Variants in DAZAP1 observed in about 807,000 individuals in gnomAD.
DAZAP1 encodes the protein DAZ-associated protein 1.
DAZAP1 carries 6 observed loss-of-function variants against 60.1 expected under a neutral mutation model. The ratio of observed to expected loss-of-function variants is 0.10; its 90% CI spans 0.05 to 0.20. The LOEUF (loss-of-function observed/expected upper bound fraction) is 0.20, where lower values mean the gene tolerates loss of function less well. DAZAP1 is among the 10% of genes least tolerant of loss of function. The pLI, the probability that DAZAP1 is intolerant of heterozygous loss-of-function variation, is 1.00. For missense variants in DAZAP1, 366 were observed against 560.4 expected (o/e 0.65, Z 3.50); for synonymous variants, 235 against 215.9 (o/e 1.09, Z -0.78).
rs376362969 is a variant in DAZAP1 at position 1,429,913 on chromosome 19, C to T, written c.701-54C>T. On this transcript the variant is annotated intron_variant, in intron 8 of 11. Transcript: ENST00000233078. Reference sequence around the variant, plus strand: ...TCCATGCTCTGCGGCTCCTTCTCTGCGTCGGACAGCTGGTGGACACGGCGC... The same window carrying T: ...TCCATGCTCTGCGGCTCCTTCTCTGTGTCGGACAGCTGGTGGACACGGCGC... 1.2e-4 allele frequency: 180 copies of T among 1,551,190 alleles called. 1 individual carries two copies. The African/African-American group carries it at 2.3e-3, about 20-fold the overall frequency.
At chr19:1,429,094 T>A in intron 8 of DAZAP1, 99 bp downstream of exon 8, 1 of 1,386,660 alleles carries the variant, frequency 7.2e-7, no homozygotes, top group Non-Finnish European at 9.5e-7. Context: ...CCACCTCTGC[T>A]GTGCATGCAC....
intron 1 of DAZAP1, among the ~76,000 whole-genome samples, chr19:1,410,388 G>A (rs191171450): frequency 3.3e-5 from 5 of 152,288 alleles, no homozygotes; most frequent in Admixed American, 3.3e-4. Context: ...CTTTGGGAGC[G>A]GGGCCTGTCC....
In DAZAP1 at chr19:1,426,097, GC is replaced by G. The variant is rs2144862588; in HGVS notation, c.546+139del. On this transcript the variant is annotated intron_variant, in intron 7 of 11. Transcript: ENST00000233078. The surrounding 1 kb of genome is among the most constrained non-coding windows in gnomAD (Gnocchi z 5.4). The stretch of plus-strand genomic sequence containing the variant: ...TGTGAACCTTTGCTGCGTGAGGTGG[GC>G]CTGGGTCTGTAGACGTGAGGAGGGT... 8.5e-6 allele frequency: 6 copies of G among 704,792 alleles called. No individual in the cohort carries two copies. Among genetic ancestry groups the G allele is most frequent in the South Asian group, 7.8e-5 (5 of 64,314 alleles). The allele number at this position is 704,792 out of a possible 1,614,324, so 43.7% of individuals were successfully genotyped here.
intron 1 of DAZAP1, among the ~76,000 whole-genome samples, chr19:1,411,270 C>T (rs754966333): frequency 6.6e-6 from 1 of 152,218 alleles, no homozygotes; most frequent in Admixed American, 6.5e-5. Flanking sequence ...CTGGATCACT[C>T]TGGGGCACCG....
At chr19:1,414,785 ATTT>A (rs906748543) in intron 1 of DAZAP1, among the ~76,000 whole-genome samples, 1 of 151,768 alleles carries the variant, frequency 6.6e-6, no homozygotes, top group Admixed American at 6.6e-5. Context: ...GTATTTGAGT[ATTT>A]TTTATTTTTT....
At chr19:1,415,569 C>T (rs1223340196) in intron 1 of DAZAP1, among the ~76,000 whole-genome samples, 3 of 151,424 alleles carry the variant, frequency 2.0e-5, no homozygotes, top group Non-Finnish European at 2.9e-5. Flanking sequence ...GCGGGGCTGG[C>T]CCTGACTCAG....
Position 1,430,273 on chromosome 19 carries a change from C to T in DAZAP1, c.782C>T (p.Pro261Leu). 1.4e-6 allele frequency: 2 copies of T among 1,429,622 alleles called. No homozygotes were observed. Among genetic ancestry groups the T allele is most frequent in the Non-Finnish European group, 1.9e-6 (2 of 1,036,406 alleles). 88.6% of individuals were successfully genotyped at this position (1,429,622 alleles called of 1,614,324 possible). Residue 261 changes from proline (P) to leucine (L), a missense_variant, in exon 10 of 12, where the codon CCG (proline) becomes CTG (leucine). Pro to Leu is a moderately conservative substitution (Grantham distance 98). Coordinates refer to ENST00000233078, the MANE Select transcript of DAZAP1 (RefSeq NM_018959.4). ...AGRGAPPPPP[P>L]FTSYIVSTPP... is the part of the protein sequence containing the mutation. ...AGAGGAGCCCCCCCGCCACCCCCAC[C>T]GTTCACCTCCTACATCGTGTCCACC...
chr19:1,409,159 G>A (rs1264694446), intron 1 of DAZAP1, among the ~76,000 whole-genome samples: 1 of 152,252 alleles, frequency 6.6e-6, no homozygotes, highest in Non-Finnish European at 1.5e-5. Context: ...GTCCTCTCCA[G>A]GCACTTTGAC....
intron 1 of DAZAP1, 41 bp downstream of exon 1, chr19:1,407,843 C>T: frequency 4.7e-6 from 5 of 1,059,582 alleles, no homozygotes; most frequent in Non-Finnish European, 5.7e-6. Flanking sequence ...CGCCCCGAGC[C>T]CGGCCCGCCG....
intron 1 of DAZAP1, among the ~76,000 whole-genome samples, chr19:1,409,443 G>T (rs1444239961): frequency 6.6e-6 from 1 of 152,218 alleles, no homozygotes. Flanking sequence ...GTCCCAGCCT[G>T]GGTCTGGAGG....
At position 1,422,570 on chromosome 19, in the gene DAZAP1, G is replaced by A. The variant is rs1410210515; in HGVS notation, c.463+174G>A. 6.6e-6 allele frequency among the ~76,000 whole-genome samples: 1 copy of A among 152,214 alleles called. No individual in the cohort carries two copies. Among genetic ancestry groups the A allele is most frequent in the Admixed American group, 6.5e-5 (1 of 15,284 alleles). On this transcript the variant is annotated intron_variant, in intron 6 of 11. Coordinates refer to ENST00000233078, the MANE Select transcript of DAZAP1 (RefSeq NM_018959.4). The surrounding 1 kb of genome is among the most constrained non-coding windows in gnomAD (Gnocchi z 4.5). ...TCCTCATGTGCACCCCATTCAGCCTGTCTGTGCTTCCCGAGGTCAGACGTC... is the reference window on the plus strand; with the variant it reads ...TCCTCATGTGCACCCCATTCAGCCTATCTGTGCTTCCCGAGGTCAGACGTC...
At chr19:1,410,605 C>T (rs1276148706) in intron 1 of DAZAP1, among the ~76,000 whole-genome samples, 5 of 152,190 alleles carry the variant, frequency 3.3e-5, no homozygotes, top group African/African-American at 7.2e-5. Flanking sequence ...ACAGCGCGGC[C>T]GGGGTCGCCA....
At chr19:1,420,410 A>C in intron 4 of DAZAP1, among the ~76,000 whole-genome samples, 1 of 151,938 alleles carries the variant, frequency 6.6e-6, no homozygotes, top group East Asian at 1.9e-4. Context: ...GGCGGCGAGC[A>C]CTCACCCTCA....
Position 1,428,776 on chromosome 19 carries a change from GTGTC to G in DAZAP1, c.547-64_547-61del. On this transcript the variant is annotated intron_variant, in intron 7 of 11. Transcript: ENST00000233078. This position sits in a 1 kb window ranked among gnomAD's most constrained non-coding sequence, Gnocchi z 4.0. ...GTGTAGTCATAAGTTACCCGAGGGT[GTGTC>G]TAAAGGGAAGGGGGTGCTGGGACCC... 6.3e-7 allele frequency: 1 copy of G among 1,586,324 alleles called. No homozygotes were observed. The highest frequency in any genetic ancestry group is 8.6e-7 in the Non-Finnish European group (1 of 1,162,900).
chr19:1,420,370 G>A (rs1366490011), intron 4 of DAZAP1, among the ~76,000 whole-genome samples: 8 of 144,224 alleles, frequency 5.5e-5, no homozygotes, highest in East Asian at 2.1e-4. Context: ...CACCCCACGC[G>A]CACACTCATG....
chr19:1,408,560 G>A (rs761851694), intron 1 of DAZAP1, among the ~76,000 whole-genome samples: 9 of 152,246 alleles, frequency 5.9e-5, no homozygotes, highest in Non-Finnish European at 1.0e-4. Flanking sequence ...GGTAAGGTCG[G>A]GAGGGGTTCG....
In DAZAP1 at chr19:1,425,754, G is replaced by A. The variant is rs2083292480; in HGVS notation, c.464-124G>A. On this transcript the variant is annotated intron_variant, in intron 6 of 11. Coordinates refer to ENST00000233078, the MANE Select transcript of DAZAP1 (RefSeq NM_018959.4). This position sits in a 1 kb window ranked among gnomAD's most constrained non-coding sequence, Gnocchi z 5.4. ...GAGGCAGCTGCCCCAGGGGCCCGCA[G>A]CGCCCCACACACAGCTTAGCTGAAA... is the stretch of plus-strand genomic sequence containing the variant. 1.4e-6 allele frequency: 1 copy of A among 729,258 alleles called. No homozygotes were observed. Among genetic ancestry groups the A allele is most frequent in the Non-Finnish European group, 2.5e-6 (1 of 404,006 alleles). 45.2% of individuals were successfully genotyped at this position (729,258 alleles called of 1,614,324 possible). A position where few individuals can be genotyped will look rare whatever the true frequency, so the allele number is the denominator to read the frequency against.
At position 1,407,638 on chromosome 19, in the gene DAZAP1, G is replaced by C; in HGVS notation, c.-136G>C. The C allele has an allele frequency of 1.1e-6, 1 of 877,568 alleles. No individual in the cohort carries two copies. The highest frequency in any genetic ancestry group is 1.4e-6 in the Non-Finnish European group (1 of 731,066). The allele number at this position is 877,568 out of a possible 1,614,324, so 54.4% of individuals were successfully genotyped here. On this transcript the variant is annotated 5_prime_UTR_variant, in exon 1 of 12. Coordinates refer to ENST00000233078, the MANE Select transcript of DAZAP1 (RefSeq NM_018959.4). ...GGAGGCAGCCGCCGCCGCCGCCGCC[G>C]CCGCCGCCGCCGCCGCCGCCGCCGT...
rs902568694 is a variant in DAZAP1 at position 1,423,249 on chromosome 19, G to C, written c.463+853G>C. The stretch of plus-strand genomic sequence containing the variant: ...TTTGAACCTCCCTCCCCACGGTTAG[G>C]AGTGCTCCTCCTCCATGTCGGTTAC... On this transcript the variant is annotated intron_variant, in intron 6 of 11. Transcript: ENST00000233078. The surrounding 1 kb of genome is among the most constrained non-coding windows in gnomAD (Gnocchi z 6.8). Among the ~76,000 whole-genome samples the C allele has an allele frequency of 6.6e-6, 1 of 152,242 alleles. No homozygotes were observed. Among genetic ancestry groups the C allele is most frequent in the Non-Finnish European group, 1.5e-5 (1 of 68,044 alleles).
Sources: gnomAD v4.1 joint callset for allele counts (sites outside exome capture counted in the v4.1 genomes callset) on GRCh38, gnomAD v4.1.1 for gene constraint, Gnocchi (gnomAD v3.1) non-coding constraint, MANE v1.5 for transcripts, NCBI Gene and HGNC (gene_info 2026-07-23, HGNC 2026-07-21) for gene names.